Variants in EFR3B observed in about 807,000 individuals in gnomAD.
EFR3B encodes the protein EFR3 homolog B, also known as protein EFR3 homolog B.
A neutral mutation model predicts 104.7 loss-of-function variants in EFR3B; 64 were observed. The ratio of observed to expected loss-of-function variants is 0.61; its 90% confidence interval spans 0.50 to 0.75. EFR3B has a LOEUF of 0.75. Ranked by LOEUF, EFR3B falls within the 30% of genes least tolerant of loss-of-function variation. The pLI is 0.00. For missense variants in EFR3B, 750 were observed against 1,078.5 expected, an observed-to-expected ratio of 0.70 and a Z score of 4.27; for synonymous variants, 385 against 417.9, an observed-to-expected ratio of 0.92 and a Z score of 0.96.
intron 1 of EFR3B, among the ~76,000 whole-genome samples, chr2:25,086,765 G>A (rs947306170): frequency 6.6e-6 from 1 of 151,948 alleles, no homozygotes; most frequent in Non-Finnish European, 1.5e-5. Flanking sequence ...GCTAATTTTT[G>A]TATCTTTAGT....
At chr2:25,152,767 C>G (rs1671048492) in intron 21 of EFR3B, among the ~76,000 whole-genome samples, 1 of 151,714 alleles carries the variant, frequency 6.6e-6, no homozygotes, top group Non-Finnish European at 1.5e-5. Flanking sequence ...ATTCTCCTAA[C>G]AAAATATAAT....
chr2:25,142,773 TAATAAATA>T (rs138723099), intron 17 of EFR3B, among the ~76,000 whole-genome samples: 1 of 147,376 alleles, frequency 6.8e-6, no homozygotes, highest in African/African-American at 2.5e-5. Context: ...ATAATAATAA[TAATAAATA>T]AATAAATAAA....
intron 1 of EFR3B, among the ~76,000 whole-genome samples, chr2:25,075,283 A>G (rs1200215038): frequency 1.3e-5 from 2 of 152,140 alleles, no homozygotes; most frequent in African/African-American, 4.8e-5. Context: ...TTCCTGTGTG[A>G]TCGTAGGCAA....
chr2:25,045,899 A>G (rs1667703067), intron 1 of EFR3B, among the ~76,000 whole-genome samples: 1 of 152,152 alleles, frequency 6.6e-6, no homozygotes, highest in African/African-American at 2.4e-5. Flanking sequence ...CCTCTGAATT[A>G]GGGCAGCCAG....
chr2:25,120,881 T>C (rs972150992), intron 4 of EFR3B, among the ~76,000 whole-genome samples: 1 of 152,142 alleles, frequency 6.6e-6, no homozygotes, highest in Non-Finnish European at 1.5e-5. Context: ...CTCCAATTTT[T>C]GTTGTTATCA....
At chr2:25,128,096 C>A in intron 5 of EFR3B, 87 bp from the exon 6 acceptor site, 1 of 1,471,564 alleles carries the variant, frequency 6.8e-7, no homozygotes, top group Non-Finnish European at 9.2e-7. Flanking sequence ...TCCCTGACTC[C>A]TAAGCTGTGC....
chr2:25,065,512 G>A (rs1463377554), intron 1 of EFR3B, among the ~76,000 whole-genome samples: 3 of 152,030 alleles, frequency 2.0e-5, no homozygotes, highest in Non-Finnish European at 4.4e-5. Context: ...ATTTTACAAT[G>A]CTCTTGAGCC....
intron 4 of EFR3B, among the ~76,000 whole-genome samples, chr2:25,117,529 C>T (rs1037542807): frequency 1.3e-5 from 2 of 151,982 alleles, no homozygotes; most frequent in Admixed American, 6.6e-5. Context: ...TCTCTTGCCT[C>T]AGCCTTCCCA....
At chr2:25,102,257 G>T (rs1473824274) in intron 3 of EFR3B, among the ~76,000 whole-genome samples, 1 of 152,186 alleles carries the variant, frequency 6.6e-6, no homozygotes, top group East Asian at 1.9e-4. Context: ...AGATGGCATG[G>T]CCCTCTTTTT....
chr2:25,137,587 G>C lies in EFR3B; in HGVS notation c.1722+85G>C. The C allele has an allele frequency of 1.3e-6, 2 of 1,520,902 alleles. No individual in the cohort carries two copies. Among genetic ancestry groups the C allele is most frequent in the South Asian group, 2.5e-5 (2 of 80,910 alleles). 94.2% of individuals were successfully genotyped at this position (1,520,902 alleles called of 1,614,324 possible). A position where few individuals can be genotyped will look rare whatever the true frequency, so the allele number is the denominator to read the frequency against. ...CAAGCCCTGATAAGAGTATTGACTA[G>C]CAACTGCTTAACACTGTTTTGGAGC... On this transcript the variant is annotated intron_variant, in intron 15 of 22. Transcript: ENST00000403714. This position sits in a 1 kb window ranked among gnomAD's most constrained non-coding sequence, Gnocchi z 4.7.
At chr2:25,062,400 T>G (rs1224690702) in intron 1 of EFR3B, among the ~76,000 whole-genome samples, 1 of 152,234 alleles carries the variant, frequency 6.6e-6, no homozygotes, top group African/African-American at 2.4e-5. Context: ...CTCAAGGTAC[T>G]GAATGCTTAA....
intron 1 of EFR3B, among the ~76,000 whole-genome samples, chr2:25,082,785 A>T (rs544238916): frequency 4.0e-4 from 61 of 152,306 alleles, no homozygotes; most frequent in African/African-American, 1.3e-3. Flanking sequence ...GAGTGGGGAG[A>T]TGGAGTGTAG....
At position 25,131,443 on chromosome 2, in the gene EFR3B, C is replaced by A; in HGVS notation, c.925C>A (p.Arg309Ser). ...DANSRSAATV[R>S]AGIVEVLSEA... ...CAACAGCCGCAGCGCTGCGACGGTG[C>A]GCGCGGGCATCGTGGAAGTCTTGTC... Residue 309 changes from arginine (R) to serine (S), a missense_variant, in exon 9 of 23, where the codon CGC (arginine) becomes AGC (serine). Transcript: ENST00000403714. The surrounding 1 kb of genome is among the most constrained non-coding windows in gnomAD (Gnocchi z 7.6). The A allele has an allele frequency of 6.4e-7, 1 of 1,550,750 alleles. No homozygotes were observed. The highest frequency in any genetic ancestry group is 8.7e-7 in the Non-Finnish European group (1 of 1,146,872).
chr2:25,092,087 T>G (rs1669141582), intron 2 of EFR3B, among the ~76,000 whole-genome samples: 1 of 151,862 alleles, frequency 6.6e-6, no homozygotes, highest in Non-Finnish European at 1.5e-5. Context: ...TTTTTTTTTT[T>G]GAGACGGAGT....
intron 17 of EFR3B, 27 bp downstream of exon 17, chr2:25,141,460 A>C: frequency 6.5e-7 from 1 of 1,549,662 alleles, no homozygotes; most frequent in Non-Finnish European, 8.7e-7. Context: ...GGACGTGGTC[A>C]GGGATCCCCA....
chr2:25,046,592 C>T (rs1573158022), intron 1 of EFR3B, among the ~76,000 whole-genome samples: 1 of 148,686 alleles, frequency 6.7e-6, no homozygotes, highest in Non-Finnish European at 1.5e-5. Context: ...AGGCTCCGCC[C>T]CCTGGGGTTC....
intron 15 of EFR3B, among the ~76,000 whole-genome samples, chr2:25,138,114 G>A (rs752863579): frequency 6.6e-6 from 1 of 152,222 alleles, no homozygotes; most frequent in Non-Finnish European, 1.5e-5. Flanking sequence ...GGAGGTTGCA[G>A]TGAGCAGAGA....
At chr2:25,142,848 C>G (rs1670709768) in intron 17 of EFR3B, among the ~76,000 whole-genome samples, 1 of 150,578 alleles carries the variant, frequency 6.6e-6, no homozygotes, top group South Asian at 2.1e-4. Flanking sequence ...AGGAAGATCA[C>G]TTTAGCCTGG....
intron 1 of EFR3B, among the ~76,000 whole-genome samples, chr2:25,053,415 G>A (rs6733301): frequency 0.12 from 18,879 of 152,140 alleles, 1,311 homozygotes; most frequent in South Asian, 0.2. Flanking sequence ...GAAAGCATGG[G>A]CATGCCTTTC....
Sources: allele counts gnomAD v4.1 joint callset (sites outside exome capture counted in the v4.1 genomes callset), GRCh38; gene constraint gnomAD v4.1.1; non-coding constraint Gnocchi (gnomAD v3.1); transcripts MANE v1.5; gene names NCBI Gene and HGNC (gene_info 2026-07-23, HGNC 2026-07-21).